The following ZNF607 variants were observed in gnomAD, a reference collection of about 807,000 sequenced individuals.
The protein encoded by ZNF607 is zinc finger protein 607.
In ZNF607, 5 loss-of-function variants were observed where a neutral mutation model predicts 12.8. That is an observed-to-expected ratio of 0.39 (90% confidence interval 0.20 to 0.82). The LOEUF (loss-of-function observed/expected upper bound fraction) is 0.82, where lower values mean the gene tolerates loss of function less well. Ranked by LOEUF, ZNF607 falls within the 40% of genes least tolerant of loss-of-function variation. ZNF607 has a pLI of 0.39. For synonymous variants in ZNF607, 287 were observed against 276.2 expected, an observed-to-expected ratio of 1.04 and a Z score of -0.39; for missense variants, 851 against 859.2, an observed-to-expected ratio of 0.99 and a Z score of 0.12.
At chr19:37,703,555 G>GTAA (rs2045057278) in intron 4 of ZNF607, among the ~76,000 whole-genome samples, 1 of 152,124 alleles carries the variant, frequency 6.6e-6, no homozygotes, top group South Asian at 2.1e-4. Flanking sequence ...TATGCACTAT[G>GTAA]TAATGGCTAC....
At chr19:37,708,282 G>A (rs184888647) in intron 3 of ZNF607, among the ~76,000 whole-genome samples, 4 of 150,170 alleles carry the variant, frequency 2.7e-5, no homozygotes, top group East Asian at 2.0e-4. Flanking sequence ...CACAACCTCC[G>A]CCTCCCAGGT....
In ZNF607 at chr19:37,698,212, G is replaced by A. The variant is rs369594672; in HGVS notation, c.1919C>T (p.Ala640Val). The A allele has an allele frequency of 8.7e-6, 14 of 1,614,162 alleles. No homozygotes were observed. Among genetic ancestry groups the A allele is most frequent in the Non-Finnish European group, 1.2e-5 (14 of 1,180,038 alleles). The change falls in exon 5 of 5, where the codon GCT becomes GTT. Residue 640 changes from alanine (A) to valine (V), a missense_variant. By Grantham distance (64) the Ala-to-Val change is moderately conservative. Transcript: ENST00000355202. The stretch of plus-strand genomic sequence containing the variant: ...TTCACACATATAGGGATTTCCATCA[G>A]CATGAACGCTTTCATGTCTAACAAG... Reference protein sequence around the residue: ...SYLVRHESVHADGNPYMCEEC... With the variant: ...SYLVRHESVHVDGNPYMCEEC...
rs2044991290 is a variant in ZNF607 at position 37,697,981 on chromosome 19, G to A, written c.*59C>T. 1 of 1,454,582 alleles carries A rather than the reference G, an allele frequency of 6.9e-7. No individual in the cohort carries two copies. Among genetic ancestry groups the A allele is most frequent in the African/African-American group, 1.4e-5 (1 of 70,684 alleles). The allele number at this position is 1,454,582 out of a possible 1,614,324, so 90.1% of individuals were successfully genotyped here. On this transcript the variant is annotated 3_prime_UTR_variant, in exon 5 of 5. Transcript: ENST00000355202. ...TGTCTTCATTCAAATTGTTCAGTGG[G>A]ATAAATCCATTGACACAATGTGCTT...
At chr19:37,718,572 G>A (rs915340249) in intron 1 of ZNF607, among the ~76,000 whole-genome samples, 3 of 152,134 alleles carry the variant, frequency 2.0e-5, no homozygotes, top group Non-Finnish European at 2.9e-5. Flanking sequence ...ACTCGAAACT[G>A]ACAAACCCTG....
intron 1 of ZNF607, among the ~76,000 whole-genome samples, chr19:37,715,108 A>G (rs1442681258): frequency 6.6e-6 from 1 of 151,334 alleles, no homozygotes; most frequent in Non-Finnish European, 1.5e-5. Context: ...GGCTTTCACT[A>G]TGTTGACCAG....
chr19:37,707,985 A>G lies in ZNF607; in HGVS notation c.164T>C (p.Leu55Ser). Residue 55 changes from leucine to serine, a missense_variant, in exon 4 of 5, where the codon TTA (leucine) becomes TCA (serine). Physicochemically the swap from Leu to Ser is moderately radical, Grantham distance 145 (BLOSUM62 -2). Transcript: ENST00000355202. ...TTTTCCTTGCTCCAATAAGGTGATT[A>G]AATCTGGCTTAGATACGGAATGTCC... is the stretch of plus-strand genomic sequence containing the variant. ...LAGHSVSKPD[L>S]ITLLEQGKEP... is the part of the protein sequence containing the mutation. 6.2e-7 allele frequency: 1 copy of G among 1,614,056 alleles called. No homozygotes were observed. The highest frequency in any genetic ancestry group is 8.5e-7 in the Non-Finnish European group (1 of 1,179,982).
Position 37,696,740 on chromosome 19 carries a change from C to T in ZNF607, c.*1300G>A. On this transcript the variant is annotated 3_prime_UTR_variant, in exon 5 of 5. Coordinates refer to ENST00000355202, the MANE Select transcript of ZNF607 (RefSeq NM_032689.5). The stretch of plus-strand genomic sequence containing the variant: ...AGCTTGCACAGCTCGCTCTGGCCGT[C>T]CCCTGCAGTGGCCAGTGAGTTGGCG... 1 of 1,083,612 alleles carries T rather than the reference C, an allele frequency of 9.2e-7. No homozygotes were observed. Among genetic ancestry groups the T allele is most frequent in the Non-Finnish European group, 1.4e-6 (1 of 709,478 alleles). The allele number at this position is 1,083,612 out of a possible 1,614,324, so 67.1% of individuals were successfully genotyped here.
Position 37,696,601 on chromosome 19 carries a change from G to A in ZNF607, c.*1439C>T, listed in dbSNP as rs1007785976. 3 of 574,256 alleles carry A rather than the reference G, an allele frequency of 5.2e-6. No individual in the cohort carries two copies. In the African/African-American group the frequency reaches 5.7e-5, roughly 11 times the overall value. The allele number at this position is 574,256 out of a possible 1,614,324, so 35.6% of individuals were successfully genotyped here. A position where few individuals can be genotyped will look rare whatever the true frequency, so the allele number is the denominator to read the frequency against. ...TGTGGCCCAGTTGCCTCACGGAGGT[G>A]CAGGTAGGCTGGGGCCTCACTAGGG... On this transcript the variant is annotated 3_prime_UTR_variant, in exon 5 of 5. Coordinates refer to ENST00000355202, the MANE Select transcript of ZNF607 (RefSeq NM_032689.5).
rs772788044 is a variant in ZNF607 at position 37,699,777 on chromosome 19, T to G, written c.354A>C (p.Gln118His). The G allele has an allele frequency of 1.2e-6, 2 of 1,614,106 alleles. No homozygotes were observed. Among genetic ancestry groups the G allele is most frequent in the Non-Finnish European group, 1.7e-6 (2 of 1,179,990 alleles). ...TAAGATGACTAAAGGACTTCTGACA[T>G]TGCTTACACTCATATGGTTTCTGTC... Reference protein sequence around the residue: ...HNGQKPYECKQCQKSFSHLTE... With the variant: ...HNGQKPYECKHCQKSFSHLTE... The change falls in exon 5 of 5, where the codon CAA (glutamine) becomes CAC (histidine). Residue 118 changes from glutamine to histidine, a missense_variant. Transcript: ENST00000355202.
chr19:37,711,474 C>G, intron 2 of ZNF607, 136 bp downstream of exon 2: 6 of 868,556 alleles, frequency 6.9e-6, no homozygotes, highest in Non-Finnish European at 1.1e-5. Context: ...ACATATTTTA[C>G]TGGAAGAATG....
At position 37,698,772 on chromosome 19, in the gene ZNF607, T is replaced by A. The variant is rs2045006076; in HGVS notation, c.1359A>T (p.Glu453Asp). 1 of 1,613,726 alleles carries A rather than the reference T, an allele frequency of 6.2e-7. No homozygotes were observed. The highest frequency in any genetic ancestry group is 1.7e-5 in the Admixed American group (1 of 59,962). ...AGGCACAACGAAAGGACTTCCCACA[T>A]TCTTTACATTCAAAGGGTTTGTAAC... ...HTGYKPFECK[E>D]CGKSFRCASY... The change falls in exon 5 of 5, where the codon GAA becomes GAT. Residue 453 changes from glutamate (E) to aspartate (D), a missense_variant. Coordinates refer to ENST00000355202, the MANE Select transcript of ZNF607 (RefSeq NM_032689.5).
intron 4 of ZNF607, among the ~76,000 whole-genome samples, chr19:37,705,810 CCTTT>C (rs971958572): frequency 6.6e-6 from 1 of 151,994 alleles, no homozygotes; most frequent in African/African-American, 2.4e-5. Flanking sequence ...TCTTTCTCTT[CCTTT>C]CTCTCTCTCC....
In ZNF607 at chr19:37,698,281, T is replaced by A; in HGVS notation, c.1850A>T (p.Tyr617Phe). 6.2e-7 allele frequency: 1 copy of A among 1,614,084 alleles called. No individual in the cohort carries two copies. Among genetic ancestry groups the A allele is most frequent in the Non-Finnish European group, 8.5e-7 (1 of 1,180,004 alleles). ...HERIHTSDKP[Y>F]ECKRCGKAFH... ...TGCCTTCCCACATCTTTTACATTCATAGGGTTTATCACTGGTATGAATTCT... is the reference window on the plus strand; with the variant it reads ...TGCCTTCCCACATCTTTTACATTCAAAGGGTTTATCACTGGTATGAATTCT... Residue 617 changes from tyrosine (Y) to phenylalanine (F), a missense_variant, in exon 5 of 5, where the codon TAT (tyrosine) becomes TTT (phenylalanine). Tyr to Phe is a conservative substitution (Grantham distance 22). Coordinates refer to ENST00000355202, the MANE Select transcript of ZNF607 (RefSeq NM_032689.5).
intron 2 of ZNF607, among the ~76,000 whole-genome samples, chr19:37,710,337 A>G (rs1249514190): frequency 6.6e-6 from 1 of 151,994 alleles, no homozygotes; most frequent in Non-Finnish European, 1.5e-5. Context: ...GTGGTGGCAC[A>G]TGCCTGTAAT....
chr19:37,712,235 C>G (rs759687237), intron 1 of ZNF607, among the ~76,000 whole-genome samples: 1 of 152,118 alleles, frequency 6.6e-6, no homozygotes. Context: ...GAGAAAAATT[C>G]AAGGACATGA....
Position 37,698,051 on chromosome 19 carries a change from T to A in ZNF607, c.2080A>T (p.Ile694Phe), listed in dbSNP as rs374195021. The change falls in exon 5 of 5, where the codon ATT becomes TTT. Residue 694 changes from isoleucine (I) to phenylalanine (F), a missense_variant. Coordinates refer to ENST00000355202, the MANE Select transcript of ZNF607 (RefSeq NM_032689.5). Reference protein sequence around the residue: ...LRSILEVHQRIHI With the variant: ...LRSILEVHQRFHI Reference sequence around the variant, plus strand: ...CCACAATTTCTCTATCAAATATGAATTCTCTGATGTACTTCAAGGATGGAT... The same window carrying A: ...CCACAATTTCTCTATCAAATATGAAATCTCTGATGTACTTCAAGGATGGAT... 40 of 1,588,464 alleles carry A rather than the reference T, an allele frequency of 2.5e-5. No individual in the cohort carries two copies. The highest frequency in any genetic ancestry group is 3.3e-5 in the Non-Finnish European group (39 of 1,170,690).
At chr19:37,718,178 C>T (rs1042060773) in intron 1 of ZNF607, among the ~76,000 whole-genome samples, 1 of 152,022 alleles carries the variant, frequency 6.6e-6, no homozygotes, top group African/African-American at 2.4e-5. Context: ...TTGTGATGTC[C>T]CTTATGCCCA....
In ZNF607 at chr19:37,706,852, G is replaced by C. The variant is rs551698451; in HGVS notation, c.235+1062C>G. 3.3e-5 allele frequency among the ~76,000 whole-genome samples: 5 copies of C among 151,904 alleles called. No homozygotes were observed. The East Asian group carries it at 5.8e-4, about 18-fold the overall frequency. On this transcript the variant is annotated intron_variant, in intron 4 of 4. Coordinates refer to ENST00000355202, the MANE Select transcript of ZNF607 (RefSeq NM_032689.5). Reference sequence around the variant, plus strand: ...ATTATAGGCAGTGCCACCACACCTAGCTAATTTTTCATATTTAGGTTGGAG... The same window carrying C: ...ATTATAGGCAGTGCCACCACACCTACCTAATTTTTCATATTTAGGTTGGAG...
chr19:37,709,808 G>C lies in ZNF607; in HGVS notation c.24C>G (p.Phe8Leu), dbSNP rs754518082. Residue 8 changes from phenylalanine (F) to leucine (L), a missense_variant, in exon 3 of 5, where the codon TTC (phenylalanine) becomes TTG (leucine). Phe to Leu is a conservative substitution (Grantham distance 22). Transcript: ENST00000355202. MSYGSIT[F>L]GDVAIDFSHQ... ...GAGAGAAGTCTATGGCCACATCCCCGAATGTTATTGATCCCTGAAACAGCA... is the reference window on the plus strand; with the variant it reads ...GAGAGAAGTCTATGGCCACATCCCCCAATGTTATTGATCCCTGAAACAGCA... 1 of 1,613,448 alleles carries C rather than the reference G, an allele frequency of 6.2e-7. No individual in the cohort carries two copies. Among genetic ancestry groups the C allele is most frequent in the Non-Finnish European group, 8.5e-7 (1 of 1,179,542 alleles).
Sources: gnomAD v4.1 joint callset for allele counts (sites outside exome capture counted in the v4.1 genomes callset) on GRCh38, gnomAD v4.1.1 for gene constraint, MANE v1.5 for transcripts, NCBI Gene and HGNC (gene_info 2026-07-23, HGNC 2026-07-21) for gene names.